The following PDE4D variants were observed in gnomAD, a reference collection of about 807,000 sequenced individuals.
The protein encoded by PDE4D is 3',5'-cyclic-AMP phosphodiesterase 4D.
In PDE4D, 24 loss-of-function variants were observed where a neutral mutation model predicts 87.4. That is an observed-to-expected ratio of 0.27 (90% CI 0.20 to 0.39). PDE4D has a LOEUF of 0.39. PDE4D is among the 10% of genes least tolerant of loss of function. The pLI is 1.00. For synonymous variants in PDE4D, 384 were observed against 383.2 expected, an observed-to-expected ratio of 1.00 and a Z score of -0.02; for missense variants, 714 against 1,041.0, an observed-to-expected ratio of 0.69 and a Z score of 4.32.
At chr5:59,535,258 A>G (rs554044510) in intron 1 of PDE4D, among the ~76,000 whole-genome samples, 1 of 152,274 alleles carries the variant, frequency 6.6e-6, no homozygotes, top group East Asian at 1.9e-4. Flanking sequence ...AGACATTTAG[A>G]AAAATACAGT....
At chr5:60,057,025 A>C (rs891118053) in intron 2 of PDE4D, among the ~76,000 whole-genome samples, 2 of 152,098 alleles carry the variant, frequency 1.3e-5, no homozygotes, top group African/African-American at 4.8e-5. Flanking sequence ...CCACATATAT[A>C]AACAATTGTT....
At chr5:59,878,896 T>G (rs1166822698) in intron 1 of PDE4D, among the ~76,000 whole-genome samples, 3 of 126,070 alleles carry the variant, frequency 2.4e-5, no homozygotes, top group Non-Finnish European at 4.9e-5. Context: ...AGTTTTTTTT[T>G]TTTTTTTTTT....
intron 1 of PDE4D, among the ~76,000 whole-genome samples, chr5:59,368,062 C>T (rs1005224313): frequency 6.6e-6 from 1 of 152,218 alleles, no homozygotes; most frequent in African/African-American, 2.4e-5. Flanking sequence ...AATTGCTTAG[C>T]TTTCATCAGC....
At chr5:60,085,935 T>C (rs945940492) in intron 2 of PDE4D, among the ~76,000 whole-genome samples, 6 of 152,188 alleles carry the variant, frequency 3.9e-5, no homozygotes, top group African/African-American at 9.6e-5. Flanking sequence ...AAGGGACAGA[T>C]TGCCAATATT....
intron 5 of PDE4D, chr5:59,157,161 A>AT (rs201260018): frequency 7.2e-4 from 411 of 572,428 alleles, no homozygotes; most frequent in South Asian, 1.3e-3. Context: ...TTGCTTCACA[A>AT]TTTTTTTTTC....
chr5:60,359,465 C>T (rs1554021343), intron 1 of PDE4D, among the ~76,000 whole-genome samples: 1 of 151,980 alleles, frequency 6.6e-6, no homozygotes, highest in Non-Finnish European at 1.5e-5. Flanking sequence ...AACAAGGCAC[C>T]TTGGAAAAAT....
At chr5:60,374,541 C>T (rs1294576975) in intron 1 of PDE4D, among the ~76,000 whole-genome samples, 3 of 152,152 alleles carry the variant, frequency 2.0e-5, no homozygotes, top group Non-Finnish European at 4.4e-5. Flanking sequence ...ATGAATATTC[C>T]ACCATGTTCT....
chr5:59,725,831 T>C (rs1293763239), intron 1 of PDE4D, among the ~76,000 whole-genome samples: 2 of 151,996 alleles, frequency 1.3e-5, no homozygotes, highest in South Asian at 2.1e-4. Flanking sequence ...AGTTGTTTTT[T>C]TTCATATAAA....
At chr5:60,053,338 C>G (rs1434830925) in intron 2 of PDE4D, among the ~76,000 whole-genome samples, 1 of 152,152 alleles carries the variant, frequency 6.6e-6, no homozygotes, top group Admixed American at 6.5e-5. Flanking sequence ...GGTACCAAAA[C>G]AGATATATAG....
intron 5 of PDE4D, among the ~76,000 whole-genome samples, chr5:59,040,774 T>C (rs982759442): frequency 1.3e-5 from 2 of 152,202 alleles, no homozygotes; most frequent in African/African-American, 4.8e-5. Flanking sequence ...GTGGGATCCC[T>C]TGTCTTTGTC....
intron 2 of PDE4D, among the ~76,000 whole-genome samples, chr5:60,076,251 C>T (rs770145804): frequency 2.0e-5 from 3 of 151,982 alleles, no homozygotes; most frequent in Non-Finnish European, 2.9e-5. Context: ...CTCCGTCTCC[C>T]GTGTTCACGC....
intron 4 of PDE4D, 98 bp from the exon 5 acceptor site, chr5:59,180,742 ATTATTT>A: frequency 8.5e-7 from 1 of 1,180,938 alleles, no homozygotes; most frequent in Admixed American, 2.1e-5. Context: ...ACTTTAAAGA[ATTATTT>A]TTAAGTTTGG....
chr5:59,526,677 G>A (rs1813196041), intron 1 of PDE4D, among the ~76,000 whole-genome samples: 1 of 152,130 alleles, frequency 6.6e-6, no homozygotes, highest in South Asian at 2.1e-4. Flanking sequence ...TGGCTAGAAT[G>A]CAGTGGCGTG....
intron 5 of PDE4D, among the ~76,000 whole-genome samples, chr5:59,044,516 G>T (rs1760290639): frequency 6.6e-6 from 1 of 152,170 alleles, no homozygotes; most frequent in African/African-American, 2.4e-5. Context: ...GTATTGCTTT[G>T]AGCTAGTCAT....
intron 1 of PDE4D, among the ~76,000 whole-genome samples, chr5:59,686,953 G>A (rs1749973858): frequency 1.3e-5 from 2 of 152,136 alleles, no homozygotes. Context: ...CCATTTAACA[G>A]TTCAACTTTC....
chr5:59,390,707 C>A (rs190655237), intron 1 of PDE4D, among the ~76,000 whole-genome samples: 2 of 152,068 alleles, frequency 1.3e-5, no homozygotes, highest in South Asian at 2.1e-4. Flanking sequence ...TTATGAAGAA[C>A]TTTAAGGTTT....
At chr5:59,142,068 A>AAATG (rs1242387298) in intron 5 of PDE4D, among the ~76,000 whole-genome samples, 5 of 152,198 alleles carry the variant, frequency 3.3e-5, no homozygotes, top group African/African-American at 4.8e-5. Flanking sequence ...AAACTCAGGT[A>AAATG]AATGAATGAA....
chr5:60,047,619 T>A (rs2152875291), intron 2 of PDE4D, among the ~76,000 whole-genome samples: 1 of 152,272 alleles, frequency 6.6e-6, no homozygotes, highest in South Asian at 2.1e-4. Flanking sequence ...CTTCATTTCG[T>A]TATGTACCCA....
chr5:59,535,962 T>C (rs1277221013), intron 1 of PDE4D, among the ~76,000 whole-genome samples: 1 of 152,188 alleles, frequency 6.6e-6, no homozygotes, highest in Non-Finnish European at 1.5e-5. Flanking sequence ...ACATGTGTTG[T>C]CTTAATATAG....
Sources: allele counts gnomAD v4.1 joint callset (sites outside exome capture counted in the v4.1 genomes callset), GRCh38; gene constraint gnomAD v4.1.1; transcripts MANE v1.5; gene names NCBI Gene and HGNC (gene_info 2026-07-23, HGNC 2026-07-21).